PCED1B: variants seen among roughly 807,000 people sequenced by gnomAD.
The protein encoded by PCED1B is PC-esterase domain-containing protein 1B.
For missense variants in PCED1B, 573 were observed against 573.9 expected (o/e 1.00, Z 0.02); for synonymous variants, 251 against 246.1 (o/e 1.02, Z -0.19).
intron 2 of PCED1B, among the ~76,000 whole-genome samples, chr12:47,175,923 G>A (rs1053242386): frequency 1.3e-5 from 2 of 148,968 alleles, no homozygotes; most frequent in African/African-American, 2.5e-5. Flanking sequence ...ACAGGGTGTC[G>A]CTACATTGCC....
In PCED1B at chr12:47,235,375, C is replaced by A. The variant is rs778615980; in HGVS notation, c.312C>A (p.Thr104=). The change falls in exon 4 of 4, where the codon ACC becomes ACA. Residue 104 remains threonine, a synonymous_variant. Transcript: ENST00000546455. The part of the protein sequence containing the change: ...LTRVYSDYLQ[T]ILKELQSGEH... ...GCGTGTACTCCGATTACCTCCAGAC[C>A]ATCTTGAAAGAGCTGCAGTCGGGCG... is the stretch of plus-strand genomic sequence containing the variant. The A allele has an allele frequency of 2.2e-4, 360 of 1,614,068 alleles. No homozygotes were observed. The highest frequency in any genetic ancestry group is 3.0e-4 in the Non-Finnish European group (351 of 1,180,054).
chr12:47,144,948 AG>A (rs1940730221), intron 2 of PCED1B, among the ~76,000 whole-genome samples: 1 of 152,230 alleles, frequency 6.6e-6, no homozygotes, highest in South Asian at 2.1e-4. Context: ...TCAAAACAAA[AG>A]CTAGGAATGA....
intron 2 of PCED1B, chr12:47,138,332 G>A (rs181850100): frequency 6.6e-6 from 1 of 152,340 alleles, no homozygotes; most frequent in East Asian, 1.9e-4. Flanking sequence ...TCTTGGCTCA[G>A]ATCAGATCAG....
In PCED1B at chr12:47,170,512, C is replaced by G. The variant is rs147813929; in HGVS notation, c.-525-45710C>G. On this transcript the variant is annotated intron_variant, in intron 2 of 3. Transcript: ENST00000546455. ...CCTCCCGGATGGGGCGGCGGCCGGG[C>G]GGAGGCGCCCCCCACCTCCCTCCCG... Among the ~76,000 whole-genome samples, 6 of 146,434 alleles carry G rather than the reference C, an allele frequency of 4.1e-5. No individual in the cohort carries two copies. In the East Asian group the frequency reaches 1.2e-3, roughly 29 times the overall value.
At chr12:47,103,203 G>A (rs1213418693) in intron 1 of PCED1B, among the ~76,000 whole-genome samples, 2 of 152,192 alleles carry the variant, frequency 1.3e-5, no homozygotes, top group Non-Finnish European at 2.9e-5. Context: ...TAATAGTGAT[G>A]CATTTTGCCA....
At chr12:47,089,315 C>T (rs928948482) in intron 1 of PCED1B, among the ~76,000 whole-genome samples, 20 of 150,978 alleles carry the variant, frequency 1.3e-4, no homozygotes, top group African/African-American at 2.7e-4. Context: ...GGCGTGGTGA[C>T]GGGCACCTGT....
rs143858203 is a variant in PCED1B, at chr12:47,126,407, C to T, written c.-526+22212C>T. The stretch of plus-strand genomic sequence containing the variant: ...TTTATGTAATGTCACATGCAATTTG[C>T]TAAACTTTTGTTAAGCACTTCTGCA... On this transcript the variant is annotated intron_variant, in intron 2 of 3. Coordinates refer to ENST00000546455, the MANE Select transcript of PCED1B (RefSeq NM_138371.3). Among the ~76,000 whole-genome samples the T allele has an allele frequency of 1.6e-4, 25 of 152,156 alleles. 1 individual carries two copies. The South Asian group carries it at 5.0e-3, about 30-fold the overall frequency.
chr12:47,137,752 G>GA lies in PCED1B; in HGVS notation c.-526+33568dup, dbSNP rs61634155. Among the ~76,000 whole-genome samples the GA allele has an allele frequency of 7.0e-3, 905 of 129,474 alleles. 4 individuals carry two copies. The highest frequency in any genetic ancestry group is 9.8e-3 in the East Asian group (42 of 4,296). The allele number at this position is 129,474 out of a possible 152,430, so 84.9% of individuals were successfully genotyped here. ...GTCTAAAAAAAAAAAAAGAAAAAAA[G>GA]AAAAAAAAAAACAACCCAAAAAACA... On this transcript the variant is annotated intron_variant, in intron 2 of 3. Transcript: ENST00000546455.
chr12:47,207,051 G>A (rs913895893), intron 2 of PCED1B, among the ~76,000 whole-genome samples: 2 of 152,152 alleles, frequency 1.3e-5, no homozygotes, highest in African/African-American at 4.8e-5. Flanking sequence ...TGGGATTTTA[G>A]CAAACAATCA....
At chr12:47,233,332 G>A (rs1943869490) in intron 3 of PCED1B, among the ~76,000 whole-genome samples, 1 of 151,996 alleles carries the variant, frequency 6.6e-6, no homozygotes, top group African/African-American at 2.4e-5. Flanking sequence ...TAGTAGAGAC[G>A]GGGTTTCACC....
chr12:47,159,850 C>T (rs1303688184), intron 2 of PCED1B, among the ~76,000 whole-genome samples: 5 of 152,112 alleles, frequency 3.3e-5, no homozygotes, highest in Non-Finnish European at 5.9e-5. Flanking sequence ...ATGTTTTCTT[C>T]TAGTAGTTTT....
intron 3 of PCED1B, among the ~76,000 whole-genome samples, chr12:47,217,230 GTC>G (rs1398974503): frequency 2.0e-5 from 3 of 151,474 alleles, no homozygotes; most frequent in Non-Finnish European, 4.4e-5. Flanking sequence ...ATGAAACCCT[GTC>G]TCTAAAAAAA....
At chr12:47,142,268 A>G (rs1443198876) in intron 2 of PCED1B, among the ~76,000 whole-genome samples, 1 of 151,964 alleles carries the variant, frequency 6.6e-6, no homozygotes, top group Non-Finnish European at 1.5e-5. Context: ...CCCAACTCCA[A>G]CCCCACTCAA....
chr12:47,111,867 G>A (rs554521998), intron 2 of PCED1B, among the ~76,000 whole-genome samples: 12 of 152,246 alleles, frequency 7.9e-5, no homozygotes, highest in Admixed American at 2.0e-4. Flanking sequence ...AAAGGGAGCC[G>A]ATGTCATTTT....
At chr12:47,219,226 G>A (rs1943399356) in intron 3 of PCED1B, among the ~76,000 whole-genome samples, 1 of 152,166 alleles carries the variant, frequency 6.6e-6, no homozygotes, top group Non-Finnish European at 1.5e-5. Context: ...TAACAATAAT[G>A]ATAGCAACAA....
At chr12:47,227,251 A>T (rs1943659495) in intron 3 of PCED1B, among the ~76,000 whole-genome samples, 2 of 152,020 alleles carry the variant, frequency 1.3e-5, no homozygotes, top group South Asian at 4.2e-4. Flanking sequence ...GGCTCACTGC[A>T]ATCTCCACCT....
At chr12:47,175,860 CTG>C (rs1209598761) in intron 2 of PCED1B, among the ~76,000 whole-genome samples, 3 of 151,860 alleles carry the variant, frequency 2.0e-5, no homozygotes, top group Non-Finnish European at 4.4e-5. Context: ...GCGTGAGTCA[CTG>C]TGCCCGGCCT....
chr12:47,233,049 G>A (rs936838431), intron 3 of PCED1B, among the ~76,000 whole-genome samples: 2 of 151,974 alleles, frequency 1.3e-5, no homozygotes, highest in Non-Finnish European at 2.9e-5. Context: ...CCATCCTCCC[G>A]CCTCAGTCGT....
chr12:47,112,406 C>T (rs553811603), intron 2 of PCED1B, among the ~76,000 whole-genome samples: 2 of 152,278 alleles, frequency 1.3e-5, no homozygotes, highest in African/African-American at 2.4e-5. Flanking sequence ...ATAAGATTCT[C>T]TTAGCAAATT....
Sources: allele counts gnomAD v4.1 joint callset (sites outside exome capture counted in the v4.1 genomes callset), GRCh38; gene constraint gnomAD v4.1.1; transcripts MANE v1.5; gene names NCBI Gene and HGNC (gene_info 2026-07-23, HGNC 2026-07-21).